The following GRHPR variants were observed in gnomAD, a reference collection of about 807,000 sequenced individuals.
GRHPR encodes glyoxylate reductase/hydroxypyruvate reductase.
In GRHPR, 35 loss-of-function variants were observed where a neutral mutation model predicts 36.8. That is an observed-to-expected ratio of 0.95 (90% confidence interval 0.73 to 1.26). The LOEUF is 1.26. Among genes scored for constraint, GRHPR ranks in the 50% most tolerant of loss-of-function variants. The pLI, the probability that GRHPR is intolerant of heterozygous loss-of-function variation, is 0.00. For missense variants in GRHPR, 380 were observed against 435.0 expected, an observed-to-expected ratio of 0.87 and a Z score of 1.12; for synonymous variants, 179 against 181.0, an observed-to-expected ratio of 0.99 and a Z score of 0.09.
At chr9:37,428,818 T>A (rs1198988325) in intron 5 of GRHPR, 3 of 640,570 alleles carry the variant, frequency 4.7e-6, no homozygotes, top group Non-Finnish European at 8.7e-6. Context: ...GGGGGCTTCA[T>A]GATTCCGGCT....
intron 8 of GRHPR, 41 bp from the exon 9 acceptor site, chr9:37,436,620 C>T: frequency 6.2e-7 from 1 of 1,611,348 alleles, no homozygotes; most frequent in African/African-American, 1.3e-5. Flanking sequence ...GCTGCTGAAC[C>T]ACCCTTCTTA....
chr9:37,426,374 A>G (rs143132718), intron 3 of GRHPR, 164 bp from the exon 4 acceptor site: 5 of 716,778 alleles, frequency 7.0e-6, no homozygotes, highest in Admixed American at 1.9e-5. Flanking sequence ...GAGATAATCT[A>G]AATAGGAATG....
rs41303225 is a variant in GRHPR, at chr9:37,428,581, C to T, written c.493+9C>T. 0.011 allele frequency: 17,804 copies of T among 1,579,830 alleles called. 135 individuals carry two copies. The highest frequency in any genetic ancestry group is 0.013 in the Non-Finnish European group (15,112 of 1,154,532). ...CGGGCTGGGGCGCATAGGTGAGGCT[C>T]CCACCGGCCCGCTTGCCCGCCCCGG... On this transcript the variant is annotated intron_variant, in intron 5 of 8. Coordinates refer to ENST00000318158, the MANE Select transcript of GRHPR (RefSeq NM_012203.2).
At chr9:37,428,201 CA>C (rs904479334) in intron 4 of GRHPR, 2 of 544,920 alleles carry the variant, frequency 3.7e-6, no homozygotes, top group Non-Finnish European at 6.6e-6. Flanking sequence ...TGTGTGACCT[CA>C]GGCAAGTCAC....
At chr9:37,426,416 G>C (rs1823078142) in intron 3 of GRHPR, 122 bp from the exon 4 acceptor site, 1 of 795,206 alleles carries the variant, frequency 1.3e-6, no homozygotes, top group Non-Finnish European at 2.3e-6. Flanking sequence ...CTCATTTATA[G>C]TTCTGAGCTT....
At chr9:37,428,022 G>A (rs773240845) in intron 4 of GRHPR, 33 of 284,978 alleles carry the variant, frequency 1.2e-4, no homozygotes, top group Non-Finnish European at 1.8e-4. Context: ...TGTCTGGGGA[G>A]TCATCACATC....
intron 4 of GRHPR, chr9:37,427,966 C>T (rs552403225): frequency 1.7e-4 from 30 of 173,482 alleles, no homozygotes; most frequent in African/African-American, 6.4e-4. Flanking sequence ...GGCCCCGGCA[C>T]GGGGCATGGA....
chr9:37,432,475 C>T (rs1318950591), intron 8 of GRHPR: 7 of 331,910 alleles, frequency 2.1e-5, no homozygotes, highest in Admixed American at 4.0e-5. Flanking sequence ...GTCAGGGGTT[C>T]GAGACCAACC....
At chr9:37,433,218 T>TG in intron 8 of GRHPR, among the ~76,000 whole-genome samples, 1 of 148,072 alleles carries the variant, frequency 6.8e-6, no homozygotes, top group East Asian at 2.0e-4. Flanking sequence ...CACAGTGCAG[T>TG]GGTTCTCACA....
At chr9:37,430,825 G>A (rs1484203556) in intron 7 of GRHPR, 179 bp downstream of exon 7, 1 of 707,236 alleles carries the variant, frequency 1.4e-6, no homozygotes. Context: ...GTACAGGGAA[G>A]AAGAGCCGTC....
intron 5 of GRHPR, 118 bp downstream of exon 5, chr9:37,428,690 G>C: frequency 1.3e-6 from 1 of 755,046 alleles, no homozygotes; most frequent in Non-Finnish European, 2.4e-6. Flanking sequence ...TTTGCTTGCA[G>C]TAGAGATATC....
At chr9:37,430,410 G>A (rs1223613193) in intron 6 of GRHPR, 101 bp from the exon 7 acceptor site, 1 of 986,574 alleles carries the variant, frequency 1.0e-6, no homozygotes, top group Non-Finnish European at 1.6e-6. Flanking sequence ...AAGCATCTTG[G>A]GAGTTTCTGT....
At position 37,426,936 on chromosome 9, in the gene GRHPR, G is replaced by A. The variant is rs1174913655; in HGVS notation, c.404+282G>A. Among the ~76,000 whole-genome samples the A allele has an allele frequency of 4.8e-5, 7 of 144,400 alleles. No individual in the cohort carries two copies. The South Asian group carries it at 1.4e-3, about 29-fold the overall frequency. The allele number at this position is 144,400 out of a possible 152,430, so 94.7% of individuals were successfully genotyped here. ...ATTGCACTCCAGCCCAGGTGACGGT[G>A]TGAGACTCTGTCTCAAAAAAAAAAA... is the stretch of plus-strand genomic sequence containing the variant. On this transcript the variant is annotated intron_variant, in intron 4 of 8. Transcript: ENST00000318158.
rs1588751701 is a variant in GRHPR, at chr9:37,425,972, G to C, written c.265G>C (p.Ala89Pro). Residue 89 changes from alanine (A) to proline (P), a missense_variant, in exon 3 of 9, where the codon GCT becomes CCT. Transcript: ENST00000318158. Reference protein sequence around the residue: ...STMSVGIDHLALDEIKKRGIR... With the variant: ...STMSVGIDHLPLDEIKKRGIR... Reference sequence around the variant, plus strand: ...CATGTCTGTGGGCATCGACCACTTGGCTTTGGATGAAATCAAGAAGCGGTA... The same window carrying C: ...CATGTCTGTGGGCATCGACCACTTGCCTTTGGATGAAATCAAGAAGCGGTA... 19 of 1,613,116 alleles carry C rather than the reference G, an allele frequency of 1.2e-5. No homozygotes were observed. In the East Asian group the frequency reaches 4.2e-4, roughly 36 times the overall value.
chr9:37,431,797 C>T (rs990685626), intron 7 of GRHPR: 7 of 534,866 alleles, frequency 1.3e-5, no homozygotes, highest in Non-Finnish European at 2.4e-5. Context: ...ATTTGAGACA[C>T]TTGCCCAAGG....
At chr9:37,434,024 T>TGGCCG in intron 8 of GRHPR, 2 of 371,816 alleles carry the variant, frequency 5.4e-6, no homozygotes. Context: ...CCAGGAAAAC[T>TGGCCG]GCCCTCCCAC....
chr9:37,424,806 C>T (rs111504193), intron 1 of GRHPR, 39 bp from the exon 2 acceptor site: 66 of 1,601,096 alleles, frequency 4.1e-5, no homozygotes, highest in African/African-American at 2.3e-4. Context: ...GACAGGTGTG[C>T]GGCTCCTGCT....
chr9:37,433,047 T>C (rs755387080), intron 8 of GRHPR, among the ~76,000 whole-genome samples: 11 of 152,156 alleles, frequency 7.2e-5, no homozygotes, highest in Non-Finnish European at 1.5e-4. Flanking sequence ...TTCCTTCCCA[T>C]AGTGGCTGGG....
downstream of GRHPR, among the ~76,000 whole-genome samples, chr9:37,437,635 TTGTTCCCTTTGCCCATTC>T (rs1279044874): frequency 6.6e-6 from 1 of 152,092 alleles, no homozygotes; most frequent in African/African-American, 2.4e-5. Context: ...CCTACACATA[TTGTTCCCTTTGCCCATTC>T]TGTCCCCCCA....
Sources: gnomAD v4.1 joint callset for allele counts (sites outside exome capture counted in the v4.1 genomes callset) on GRCh38, gnomAD v4.1.1 for gene constraint, MANE v1.5 for transcripts, NCBI Gene and HGNC (gene_info 2026-07-23, HGNC 2026-07-21) for gene names.